TIAM1: variants seen among roughly 807,000 people sequenced by gnomAD.
TIAM1 encodes the protein TIAM Rac1 associated GEF 1, also known as rho guanine nucleotide exchange factor TIAM1.
Under a neutral mutation model 163.5 loss-of-function variants are expected in TIAM1, and 65 were observed. The observed-to-expected ratio is 0.40, with a 90% CI of 0.33 to 0.49. The LOEUF (loss-of-function observed/expected upper bound fraction) is 0.49, where lower values mean the gene tolerates loss of function less well. Ranked by LOEUF, TIAM1 falls within the 20% of genes least tolerant of loss-of-function variation. The probability of loss-of-function intolerance (pLI) is 0.77; values close to 1 mark genes in which losing one functional copy is unlikely to be tolerated. For synonymous variants in TIAM1, 833 were observed against 810.1 expected, an observed-to-expected ratio of 1.03 and a Z score of -0.48; for missense variants, 1,789 against 2,044.7, an observed-to-expected ratio of 0.87 and a Z score of 2.41.
intron 11 of TIAM1, among the ~76,000 whole-genome samples, chr21:31,206,232 G>A (rs995261661): frequency 6.6e-6 from 1 of 152,088 alleles, no homozygotes; most frequent in Non-Finnish European, 1.5e-5. Flanking sequence ...TCTGAATTAT[G>A]AGCCCTTGTT....
chr21:31,534,397 A>T (rs938625883), intron 1 of TIAM1, among the ~76,000 whole-genome samples: 1 of 152,158 alleles, frequency 6.6e-6, no homozygotes, highest in African/African-American at 2.4e-5. Flanking sequence ...TAAGAATCCA[A>T]AATCAACTGG....
intron 1 of TIAM1, among the ~76,000 whole-genome samples, chr21:31,532,981 T>C (rs781009237): frequency 2.0e-5 from 3 of 152,102 alleles, no homozygotes; most frequent in African/African-American, 7.2e-5. Context: ...CCCAGCAAGA[T>C]AGGTGGACAG....
intron 16 of TIAM1, among the ~76,000 whole-genome samples, chr21:31,155,289 G>T (rs1315719646): frequency 6.6e-6 from 1 of 152,226 alleles, no homozygotes; most frequent in Non-Finnish European, 1.5e-5. Flanking sequence ...TTTCCAACTT[G>T]GCTGCTTATG....
Position 31,441,984 on chromosome 21 carries a change from A to T in TIAM1, c.-369+21999T>A, listed in dbSNP as rs560253981. On this transcript the variant is annotated intron_variant, in intron 2 of 28. Coordinates refer to the TIAM1 transcript ENST00000286827. ...GGTGGGAGGATCATTTGAGCTCAAG[A>T]GGTGGGAATTATAGTGAGCTGAGAC... is the stretch of plus-strand genomic sequence containing the variant. 2.7e-5 allele frequency among the ~76,000 whole-genome samples: 4 copies of T among 145,554 alleles called. No homozygotes were observed. In the East Asian group the frequency reaches 8.2e-4, roughly 30 times the overall value.
chr21:31,372,556 G>A (rs2076613163), intron 2 of TIAM1, among the ~76,000 whole-genome samples: 1 of 152,194 alleles, frequency 6.6e-6, no homozygotes, highest in African/African-American at 2.4e-5. Context: ...AGTTGAAACT[G>A]AGACAGTGGC....
At chr21:31,340,249 C>T (rs1373929935) in intron 1 of TIAM1, among the ~76,000 whole-genome samples, 2 of 151,634 alleles carry the variant, frequency 1.3e-5, no homozygotes. Context: ...ACCCTAGGAC[C>T]TTGTCAACTG....
intron 2 of TIAM1, among the ~76,000 whole-genome samples, chr21:31,320,274 T>C (rs1333087010): frequency 6.6e-6 from 1 of 151,944 alleles, no homozygotes; most frequent in Non-Finnish European, 1.5e-5. Flanking sequence ...AAACAGAAAG[T>C]AGAATGGAGG....
rs113858336 is a variant in TIAM1, at chr21:31,199,910, T to TAA, written c.2493+2996_2493+2997dup. 2.5e-3 allele frequency among the ~76,000 whole-genome samples: 327 copies of TAA among 130,944 alleles called. 1 individual carries two copies. Among genetic ancestry groups the TAA allele is most frequent in the African/African-American group, 7.8e-3 (277 of 35,464 alleles). 85.9% of individuals were successfully genotyped at this position (130,944 alleles called of 152,430 possible). ...CACTCACCCTGTTCGAACATCACAT[T>TAA]AAAAAAAAAAAAAAACACACAAAAA... On this transcript the variant is annotated intron_variant, in intron 12 of 27. Coordinates refer to ENST00000541036, the MANE Select transcript of TIAM1 (RefSeq NM_001353694.2).
Position 31,120,267 on chromosome 21 carries a change from G to T in TIAM1, c.*101C>A. On this transcript the variant is annotated 3_prime_UTR_variant, in exon 28 of 28. Transcript: ENST00000541036. This position sits in a 1 kb window ranked among gnomAD's most constrained non-coding sequence, Gnocchi z 4.2. ...TCAGCTGCCAAAACCGTGTGTGCAA[G>T]AGCGCGACCTAAGGGGACATTCTTG... 2 of 1,247,352 alleles carry T rather than the reference G, an allele frequency of 1.6e-6. No individual in the cohort carries two copies. 77.3% of individuals were successfully genotyped at this position (1,247,352 alleles called of 1,614,324 possible). A position where few individuals can be genotyped will look rare whatever the true frequency, so the allele number is the denominator to read the frequency against.
intron 10 of TIAM1, among the ~76,000 whole-genome samples, chr21:31,210,537 A>G (rs866394345): frequency 1.7e-4 from 10 of 59,580 alleles, no homozygotes; most frequent in Admixed American, 6.2e-4. Context: ...AGGAAGGAAA[A>G]GAAAGAAAGA....
At chr21:31,328,935 C>A (rs2075584693) in intron 2 of TIAM1, among the ~76,000 whole-genome samples, 2 of 152,138 alleles carry the variant, frequency 1.3e-5, no homozygotes, top group Admixed American at 1.3e-4. Context: ...TGTGAGCTAC[C>A]ATACCCAGCC....
intron 2 of TIAM1, among the ~76,000 whole-genome samples, chr21:31,424,034 T>C (rs1323365152): frequency 6.6e-6 from 1 of 152,210 alleles, no homozygotes; most frequent in African/African-American, 2.4e-5. Context: ...TATATCTCAA[T>C]AAAGCTGTTA....
rs546732926 is a variant in TIAM1, at chr21:31,491,338, G to C, written c.-421-27303C>G. On this transcript the variant is annotated intron_variant, in intron 1 of 28. Coordinates refer to the TIAM1 transcript ENST00000286827. ...TAAGGTATGTTTGGTTGGGTGTTTT[G>C]TTTCTAGCAGCCAAAACCATCCTAA... Among the ~76,000 whole-genome samples the C allele has an allele frequency of 9.8e-4, 149 of 152,160 alleles. 1 individual carries two copies. The highest frequency in any genetic ancestry group is 1.9e-3 in the Non-Finnish European group (130 of 68,016).
intron 10 of TIAM1, chr21:31,212,767 A>ATT (rs561368307): frequency 0.046 from 6,480 of 142,410 alleles, 430 homozygotes; most frequent in African/African-American, 0.15. Flanking sequence ...TGTCCAGCTA[A>ATT]TTTTTTTTTT....
At chr21:31,501,885 G>A (rs1188534592) in intron 1 of TIAM1, among the ~76,000 whole-genome samples, 1 of 152 alleles carries the variant, frequency 6.6e-3, no homozygotes, top group African/African-American at 0.028. Context: ...TTACAGGCGT[G>A]AGCACTGCGC....
chr21:31,458,034 C>G (rs894393793), intron 2 of TIAM1, among the ~76,000 whole-genome samples: 1 of 152,164 alleles, frequency 6.6e-6, no homozygotes, highest in African/African-American at 2.4e-5. Flanking sequence ...GACCAGGGGA[C>G]TAGGGAGGCT....
chr21:31,322,833 G>A (rs1482304777), intron 2 of TIAM1, among the ~76,000 whole-genome samples: 4 of 152,130 alleles, frequency 2.6e-5, no homozygotes, highest in African/African-American at 7.2e-5. Flanking sequence ...TCCACAAGGG[G>A]GTCAAGCAAC....
intron 2 of TIAM1, among the ~76,000 whole-genome samples, chr21:31,355,639 C>T (rs912372380): frequency 3.9e-5 from 6 of 151,986 alleles, no homozygotes; most frequent in African/African-American, 1.5e-4. Flanking sequence ...GCAACCTCCA[C>T]ATCCCAGGTT....
chr21:31,511,525 C>A (rs766488721), intron 1 of TIAM1, among the ~76,000 whole-genome samples: 1 of 152,168 alleles, frequency 6.6e-6, no homozygotes, highest in African/African-American at 2.4e-5. Context: ...ATAATAGTAT[C>A]TAGCTCATCC....
Sources: allele counts gnomAD v4.1 joint callset (sites outside exome capture counted in the v4.1 genomes callset), GRCh38; gene constraint gnomAD v4.1.1; non-coding constraint Gnocchi (gnomAD v3.1); transcripts MANE v1.5; gene names NCBI Gene and HGNC (gene_info 2026-07-23, HGNC 2026-07-21).